Variants in LHX6 observed in about 807,000 individuals in gnomAD.
LHX6 encodes the protein LIM/homeobox protein Lhx6.
LHX6 carries 15 observed loss-of-function variants against 47.1 expected under a neutral mutation model. That is an observed-to-expected ratio of 0.32 (90% CI 0.21 to 0.49). The LOEUF is 0.49. Among genes scored for constraint, LHX6 ranks in the 20% least tolerant of loss-of-function variants. The probability of loss-of-function intolerance (pLI) is 0.99; values close to 1 mark genes in which losing one functional copy is unlikely to be tolerated. For missense variants in LHX6, 404 were observed against 539.6 expected, an observed-to-expected ratio of 0.75 and a Z score of 2.49; for synonymous variants, 242 against 233.5, an observed-to-expected ratio of 1.04 and a Z score of -0.33.
At position 122,226,249 on chromosome 9, in the gene LHX6, C is replaced by T. The variant is rs770366879; in HGVS notation, c.461+127G>A. 1.6e-4 allele frequency: 207 copies of T among 1,271,646 alleles called. No individual in the cohort carries two copies. The highest frequency in any genetic ancestry group is 2.1e-4 in the Non-Finnish European group (200 of 940,784). The allele number at this position is 1,271,646 out of a possible 1,614,324, so 78.8% of individuals were successfully genotyped here. ...TGAGCGCCGGCAGGTTGGACCAGCG[C>T]TGCGCGCCGGAAGTGCACTCGGGAC... On this transcript the variant is annotated intron_variant, in intron 4 of 9. Transcript: ENST00000394319. The surrounding 1 kb of genome is among the most constrained non-coding windows in gnomAD (Gnocchi z 6.5).
chr9:122,221,210 GA>G, intron 4 of LHX6: 7 of 984,540 alleles, frequency 7.1e-6, no homozygotes, highest in Non-Finnish European at 8.4e-6. Flanking sequence ...ACCCGTAGGG[GA>G]AGAAGCCAGA....
At chr9:122,227,334 C>T in intron 2 of LHX6, 75 bp downstream of exon 2, 2 of 1,362,218 alleles carry the variant, frequency 1.5e-6, no homozygotes, top group Non-Finnish European at 1.9e-6. Flanking sequence ...AGTTCGTGGC[C>T]GGAAAACCTG....
At position 122,214,475 on chromosome 9, in the gene LHX6, G is replaced by T; in HGVS notation, c.683-92C>A. 7.1e-7 allele frequency: 1 copy of T among 1,407,068 alleles called. No homozygotes were observed. The highest frequency in any genetic ancestry group is 9.2e-7 in the Non-Finnish European group (1 of 1,085,868). 87.2% of individuals were successfully genotyped at this position (1,407,068 alleles called of 1,614,324 possible). A position where few individuals can be genotyped will look rare whatever the true frequency, so the allele number is the denominator to read the frequency against. ...GGGTGGGGGGAGCTTGTCCCTGGAAGGGTCAGGAGCGGGAGTTGGCTGGGA... is the reference window on the plus strand; with the variant it reads ...GGGTGGGGGGAGCTTGTCCCTGGAATGGTCAGGAGCGGGAGTTGGCTGGGA... On this transcript the variant is annotated intron_variant, in intron 5 of 9. Coordinates refer to ENST00000394319, the MANE Select transcript of LHX6 (RefSeq NM_014368.5). This position sits in a 1 kb window ranked among gnomAD's most constrained non-coding sequence, Gnocchi z 4.6.
intron 4 of LHX6, among the ~76,000 whole-genome samples, chr9:122,222,828 G>T (rs1185409337): frequency 6.6e-6 from 1 of 152,194 alleles, no homozygotes; most frequent in Non-Finnish European, 1.5e-5. Flanking sequence ...GGATCTCCAT[G>T]CTCCCCCTCC....
chr9:122,222,721 G>A (rs902134873), intron 4 of LHX6, among the ~76,000 whole-genome samples: 2 of 152,210 alleles, frequency 1.3e-5, no homozygotes, highest in Non-Finnish European at 2.9e-5. Flanking sequence ...GAGACTGAAG[G>A]AGGGTCTATA....
Position 122,217,866 on chromosome 9 carries a change from G to A in LHX6, c.462-578C>T, listed in dbSNP as rs1023968583. 1.3e-5 allele frequency among the ~76,000 whole-genome samples: 2 copies of A among 152,136 alleles called. No individual in the cohort carries two copies. Among genetic ancestry groups the A allele is most frequent in the Non-Finnish European group, 2.9e-5 (2 of 68,026 alleles). ...GCACTTACTGGCTTTGTGACACTAG[G>A]CAAACTGTTTAACTCTGAGTTCTCG... On this transcript the variant is annotated intron_variant, in intron 4 of 9. Coordinates refer to ENST00000394319, the MANE Select transcript of LHX6 (RefSeq NM_014368.5). The surrounding 1 kb of genome is among the most constrained non-coding windows in gnomAD (Gnocchi z 4.9).
intron 4 of LHX6, among the ~76,000 whole-genome samples, chr9:122,225,985 C>A (rs553065177): frequency 6.6e-6 from 1 of 152,152 alleles, no homozygotes; most frequent in African/African-American, 2.4e-5. Flanking sequence ...GAAGCCCGAA[C>A]GCACTGGAAA....
chr9:122,220,887 T>A (rs1297913914), intron 4 of LHX6, among the ~76,000 whole-genome samples: 2 of 152,228 alleles, frequency 1.3e-5, no homozygotes, highest in Non-Finnish European at 2.9e-5. Context: ...CAGCCTACTA[T>A]GCTGGATACC....
chr9:122,220,937 T>C (rs1182102542), intron 4 of LHX6: 2 of 225,044 alleles, frequency 8.9e-6, no homozygotes. Context: ...TGAATGAGCC[T>C]CAACGAAAGA....
intron 1 of LHX6, 91 bp downstream of exon 1, chr9:122,228,566 G>T: frequency 7.7e-7 from 1 of 1,305,874 alleles, no homozygotes; most frequent in East Asian, 3.3e-5. Flanking sequence ...CCTCCTTCCT[G>T]CAACCGCCCG....
rs1203415886 is a variant in LHX6 at position 122,217,018 on chromosome 9, G to C, written c.682+50C>G. On this transcript the variant is annotated intron_variant, in intron 5 of 9. Coordinates refer to ENST00000394319, the MANE Select transcript of LHX6 (RefSeq NM_014368.5). The surrounding 1 kb of genome is among the most constrained non-coding windows in gnomAD (Gnocchi z 4.9). ...GTTCCTGGGGTGCTGGGGTGGGGTG[G>C]GGTGGGAAAGGGCTGGGGGCAGAGG... The C allele has an allele frequency of 6.6e-7, 1 of 1,507,388 alleles. No homozygotes were observed. Among genetic ancestry groups the C allele is most frequent in the East Asian group, 2.3e-5 (1 of 44,156 alleles). 93.4% of individuals were successfully genotyped at this position (1,507,388 alleles called of 1,614,324 possible).
intron 4 of LHX6, among the ~76,000 whole-genome samples, chr9:122,218,339 G>C (rs1316033677): frequency 1.3e-5 from 2 of 152,128 alleles, no homozygotes; most frequent in African/African-American, 2.4e-5. Context: ...AGAGAATGGT[G>C]CCACCACTTA....
chr9:122,226,232 G>A lies in LHX6; in HGVS notation c.461+144C>T, dbSNP rs1215212163. On this transcript the variant is annotated intron_variant, in intron 4 of 9. Transcript: ENST00000394319. The surrounding 1 kb of genome is among the most constrained non-coding windows in gnomAD (Gnocchi z 6.5). Reference sequence around the variant, plus strand: ...CTCTGGGTTCGCGCCGCTGAGCGCCGGCAGGTTGGACCAGCGCTGCGCGCC... The same window carrying A: ...CTCTGGGTTCGCGCCGCTGAGCGCCAGCAGGTTGGACCAGCGCTGCGCGCC... The A allele has an allele frequency of 9.0e-7, 1 of 1,105,982 alleles. No homozygotes were observed. The highest frequency in any genetic ancestry group is 3.1e-5 in the Admixed American group (1 of 32,092). The allele number at this position is 1,105,982 out of a possible 1,614,324, so 68.5% of individuals were successfully genotyped here.
chr9:122,215,114 A>C (rs1349049025), intron 5 of LHX6, among the ~76,000 whole-genome samples: 1 of 152,232 alleles, frequency 6.6e-6, no homozygotes, highest in Non-Finnish European at 1.5e-5. Context: ...TCAAAATCTC[A>C]GAAAATTTCC....
At chr9:122,219,632 C>G (rs3793619) in intron 4 of LHX6, among the ~76,000 whole-genome samples, 46,419 of 151,962 alleles carry the variant, frequency 0.31, 7,260 homozygotes, top group Middle Eastern at 0.38. Flanking sequence ...GGGTCCTGGG[C>G]CTCAACGTTG....
At chr9:122,221,803 C>A in intron 4 of LHX6, 1 of 790,136 alleles carries the variant, frequency 1.3e-6, no homozygotes, top group Non-Finnish European at 1.5e-6. Flanking sequence ...CAGAGAGGGG[C>A]CCCACGATGC....
intron 9 of LHX6, among the ~76,000 whole-genome samples, chr9:122,208,441 A>T (rs1326175626): frequency 6.6e-6 from 1 of 152,032 alleles, no homozygotes; most frequent in Non-Finnish European, 1.5e-5. Context: ...TAGGGACCAC[A>T]CTTTACTTGT....
chr9:122,217,156 A>C lies in LHX6; in HGVS notation c.594T>G (p.Gly198=), dbSNP rs1564439664. The change falls in exon 5 of 10, where the codon GGT becomes GGG. Residue 198 remains glycine (G), a synonymous_variant. Transcript: ENST00000394319. This position sits in a 1 kb window ranked among gnomAD's most constrained non-coding sequence, Gnocchi z 4.9. The stretch of plus-strand genomic sequence containing the variant: ...TCTCCTCGACCAGGCCGAACTCCTC[A>C]CCAGTGGACAGCTGGCGCTTGCACG... ...CFSCKRQLST[G]EEFGLVEEKV... The C allele has an allele frequency of 6.2e-7, 1 of 1,614,116 alleles. No individual in the cohort carries two copies. The highest frequency in any genetic ancestry group is 8.5e-7 in the Non-Finnish European group (1 of 1,180,038).
intron 2 of LHX6, 69 bp from the exon 3 acceptor site, chr9:122,227,099 A>G: frequency 1.4e-6 from 2 of 1,402,384 alleles, no homozygotes; most frequent in East Asian, 2.5e-5. Flanking sequence ...CTTGGAGACA[A>G]ATCTGGGGCC....
Sources: allele counts gnomAD v4.1 joint callset (sites outside exome capture counted in the v4.1 genomes callset), GRCh38; gene constraint gnomAD v4.1.1; non-coding constraint Gnocchi (gnomAD v3.1); transcripts MANE v1.5; gene names NCBI Gene and HGNC (gene_info 2026-07-23, HGNC 2026-07-21).